Variants in DPP10 observed in about 807,000 individuals in gnomAD.
DPP10 encodes dipeptidyl peptidase like 10.
DPP10 carries 33 observed loss-of-function variants against 120.9 expected under a neutral mutation model. That is an observed-to-expected ratio of 0.27 (90% CI 0.21 to 0.37). The LOEUF (loss-of-function observed/expected upper bound fraction) is 0.37, where lower values mean the gene tolerates loss of function less well. DPP10 is among the 10% of genes least tolerant of loss of function. The pLI is 1.00. For synonymous variants in DPP10, 337 were observed against 326.1 expected (o/e 1.03, Z -0.36); for missense variants, 816 against 942.8 (o/e 0.87, Z 1.76).
At chr2:115,090,894 G>T (rs748429053) in intron 1 of DPP10, among the ~76,000 whole-genome samples, 2 of 152,134 alleles carry the variant, frequency 1.3e-5, no homozygotes, top group African/African-American at 2.4e-5. Flanking sequence ...AAGGGGTTTG[G>T]AATGTTTCTG....
intron 1 of DPP10, among the ~76,000 whole-genome samples, chr2:114,843,777 C>A (rs1688340354): frequency 6.6e-6 from 1 of 152,118 alleles, no homozygotes; most frequent in South Asian, 2.1e-4. Context: ...TGACATTATT[C>A]CTTTCCCTGC....
intron 1 of DPP10, among the ~76,000 whole-genome samples, chr2:115,193,627 C>G (rs1399365394): frequency 6.6e-6 from 1 of 152,104 alleles, no homozygotes; most frequent in Non-Finnish European, 1.5e-5. Context: ...CAAATTTTTC[C>G]AAATGTATGG....
chr2:114,475,193 C>T (rs1680270810), intron 1 of DPP10, among the ~76,000 whole-genome samples: 1 of 152,178 alleles, frequency 6.6e-6, no homozygotes, highest in South Asian at 2.1e-4. Context: ...CTCTGTTGCA[C>T]TCCCAGATTT....
chr2:115,118,423 G>A (rs967568249), intron 1 of DPP10, among the ~76,000 whole-genome samples: 2 of 152,148 alleles, frequency 1.3e-5, no homozygotes, highest in Non-Finnish European at 2.9e-5. Context: ...AAAGCTTTTT[G>A]TAAGATGAAG....
At chr2:114,995,457 A>C (rs969333716) in intron 1 of DPP10, among the ~76,000 whole-genome samples, 3 of 152,010 alleles carry the variant, frequency 2.0e-5, no homozygotes, top group African/African-American at 7.3e-5. Flanking sequence ...TCTTATTTCT[A>C]ACAGGCTTCT....
At chr2:115,390,117 C>A (rs2067224275) in intron 3 of DPP10, among the ~76,000 whole-genome samples, 1 of 152,192 alleles carries the variant, frequency 6.6e-6, no homozygotes, top group Admixed American at 6.5e-5. Flanking sequence ...ATTACAGTGA[C>A]TATCCCCTTG....
chr2:114,506,345 T>C (rs1683654010), intron 1 of DPP10, among the ~76,000 whole-genome samples: 1 of 152,154 alleles, frequency 6.6e-6, no homozygotes, highest in African/African-American at 2.4e-5. Flanking sequence ...CTCCATCCCC[T>C]TTCCAGCTCC....
rs577324594 is a variant in DPP10, at chr2:115,636,652, A to G, written c.442-53035A>G. On this transcript the variant is annotated intron_variant, in intron 5 of 25. Transcript: ENST00000410059. ...AGAAAAAGTGAGAGAAATGAAGTATATATGGAAAGATGTTGAGAATTAGTG... is the reference window on the plus strand; with the variant it reads ...AGAAAAAGTGAGAGAAATGAAGTATGTATGGAAAGATGTTGAGAATTAGTG... Among the ~76,000 whole-genome samples the G allele has an allele frequency of 5.9e-5, 9 of 152,214 alleles. No homozygotes were observed. The South Asian group carries it at 1.9e-3, about 32-fold the overall frequency.
chr2:115,507,484 C>A (rs1363049390), intron 4 of DPP10, among the ~76,000 whole-genome samples: 1 of 152,096 alleles, frequency 6.6e-6, no homozygotes, highest in Non-Finnish European at 1.5e-5. Context: ...AGGAAAGGCT[C>A]ACTACGGAGA....
In DPP10 at chr2:115,045,157, T is replaced by C. The variant is rs114719121; in HGVS notation, c.61-264082T>C. 8.8e-3 allele frequency among the ~76,000 whole-genome samples: 1,342 copies of C among 152,302 alleles called. 26 individuals are homozygous for C. The highest frequency in any genetic ancestry group is 0.031 in the African/African-American group (1,286 of 41,560). Reference sequence around the variant, plus strand: ...CGAGCAATGGGATTGCTGGATTATATAGTAGTTCTATTTTTAGTTTCCTGA... The same window carrying C: ...CGAGCAATGGGATTGCTGGATTATACAGTAGTTCTATTTTTAGTTTCCTGA... On this transcript the variant is annotated intron_variant, in intron 1 of 25. Coordinates refer to ENST00000410059, the MANE Select transcript of DPP10 (RefSeq NM_020868.6).
At chr2:115,313,507 T>C (rs747687304) in intron 2 of DPP10, among the ~76,000 whole-genome samples, 12 of 152,174 alleles carry the variant, frequency 7.9e-5, no homozygotes, top group Admixed American at 3.3e-4. Flanking sequence ...CATGAAAATA[T>C]ATTTAGTGGG....
intron 1 of DPP10, among the ~76,000 whole-genome samples, chr2:114,776,822 G>A (rs977441033): frequency 2.0e-5 from 3 of 152,006 alleles, no homozygotes; most frequent in Non-Finnish European, 1.5e-5. Context: ...AAAAGGGGAT[G>A]AGTGGAGACA....
chr2:114,830,549 T>G (rs1687007470), intron 1 of DPP10, among the ~76,000 whole-genome samples: 1 of 152,226 alleles, frequency 6.6e-6, no homozygotes. Flanking sequence ...TAAATGTGCC[T>G]TCTCCCCTCC....
intron 1 of DPP10, among the ~76,000 whole-genome samples, chr2:114,866,010 G>A (rs1448149130): frequency 6.6e-6 from 1 of 151,986 alleles, no homozygotes; most frequent in Non-Finnish European, 1.5e-5. Flanking sequence ...TACTCAGGAG[G>A]CTGAGGCAGG....
rs145849130 is a variant in DPP10 at position 114,472,539 on chromosome 2, T to C, written c.60+29701T>C. On this transcript the variant is annotated intron_variant, in intron 1 of 25. Transcript: ENST00000410059. ...TAAGGGGGGTTAGTGCGAGAAAGAC[T>C]GAAAAAGAAGTAGTCCCAGAACTGT... 1.2e-3 allele frequency among the ~76,000 whole-genome samples: 181 copies of C among 152,264 alleles called. 2 individuals carry two copies. In the East Asian group the frequency reaches 0.016, roughly 13 times the overall value.
chr2:115,047,112 C>T (rs972013480), intron 1 of DPP10, among the ~76,000 whole-genome samples: 11 of 151,888 alleles, frequency 7.2e-5, no homozygotes, highest in Non-Finnish European at 1.0e-4. Context: ...ACAGAAGTGA[C>T]GTTTGTATAC....
chr2:115,171,873 A>G (rs1224890066), intron 1 of DPP10, among the ~76,000 whole-genome samples: 5 of 152,218 alleles, frequency 3.3e-5, no homozygotes, highest in Admixed American at 6.5e-5. Context: ...ACAGAAGTGC[A>G]TATGCATCTT....
chr2:115,687,228 A>C (rs1413529618), intron 5 of DPP10, among the ~76,000 whole-genome samples: 2 of 152,012 alleles, frequency 1.3e-5, no homozygotes, highest in Admixed American at 1.3e-4. Flanking sequence ...GAAAGAGAGA[A>C]AGAGAGATAG....
intron 1 of DPP10, among the ~76,000 whole-genome samples, chr2:115,006,534 A>C (rs369596447): frequency 6.7e-6 from 1 of 149,746 alleles, no homozygotes; most frequent in Non-Finnish European, 1.5e-5. Context: ...TCTACCAAGC[A>C]AATGGAAAAC....
Sources: allele counts gnomAD v4.1 joint callset (sites outside exome capture counted in the v4.1 genomes callset), GRCh38; gene constraint gnomAD v4.1.1; transcripts MANE v1.5; gene names NCBI Gene and HGNC (gene_info 2026-07-23, HGNC 2026-07-21).